Variants in SLC12A6 observed in about 807,000 individuals in gnomAD.
SLC12A6 encodes the protein K-Cl cotransporter 3.
Under a neutral mutation model 135.3 loss-of-function variants are expected in SLC12A6, and 66 were observed. That is an observed-to-expected ratio of 0.49 (90% CI 0.40 to 0.60). The LOEUF is 0.60. Ranked by LOEUF, SLC12A6 falls within the 20% of genes least tolerant of loss-of-function variation. SLC12A6 has a pLI of 0.00. For missense variants in SLC12A6, 1,058 were observed against 1,452.3 expected (o/e 0.73, Z 4.41); for synonymous variants, 513 against 508.8 (o/e 1.01, Z -0.11).
At chr15:34,323,512 T>C (rs900669807) in intron 2 of SLC12A6, among the ~76,000 whole-genome samples, 1 of 152,186 alleles carries the variant, frequency 6.6e-6, no homozygotes, top group Non-Finnish European at 1.5e-5. Flanking sequence ...AATTATGTGC[T>C]CCTTATGAGA....
At chr15:34,268,608 G>T (rs992451431) in intron 3 of SLC12A6, among the ~76,000 whole-genome samples, 19 of 152,180 alleles carry the variant, frequency 1.2e-4, no homozygotes, top group African/African-American at 4.1e-4. Flanking sequence ...CTGCTTTAGA[G>T]TTCAGCCTTC....
chr15:34,245,424 T>C (rs774332756), intron 14 of SLC12A6, 21 bp from the exon 15 acceptor site: 6 of 1,339,864 alleles, frequency 4.5e-6, no homozygotes, highest in Non-Finnish European at 6.5e-6. Flanking sequence ...AAGGGAAATA[T>C]CAGGCACAGG....
At chr15:34,296,881 G>A (rs1249348414) in intron 2 of SLC12A6, among the ~76,000 whole-genome samples, 2 of 151,930 alleles carry the variant, frequency 1.3e-5, no homozygotes, top group African/African-American at 2.4e-5. Context: ...CTTCTACTTT[G>A]ATATTTGAAA....
intron 2 of SLC12A6, among the ~76,000 whole-genome samples, chr15:34,333,349 C>A (rs1489872377): frequency 6.6e-6 from 1 of 151,868 alleles, no homozygotes; most frequent in Admixed American, 6.6e-5. Context: ...CCTGTCAAGG[C>A]CTCCCGAGCA....
intron 3 of SLC12A6, among the ~76,000 whole-genome samples, chr15:34,271,628 C>G (rs1372241502): frequency 1.3e-5 from 2 of 149,218 alleles, no homozygotes; most frequent in South Asian, 2.1e-4. Flanking sequence ...CACACACACA[C>G]AGAAAAGTTC....
intron 3 of SLC12A6, among the ~76,000 whole-genome samples, chr15:34,274,696 C>G (rs1287417765): frequency 1.3e-5 from 2 of 152,022 alleles, no homozygotes; most frequent in Non-Finnish European, 2.9e-5. Context: ...GCCTGTAGTC[C>G]CAGCTACTTG....
chr15:34,283,756 A>AT (rs11291463), intron 2 of SLC12A6, among the ~76,000 whole-genome samples: 15,943 of 148,294 alleles, frequency 0.11, 1,386 homozygotes, highest in African/African-American at 0.25. Context: ...AAAGGTTAGC[A>AT]TTTTTTTTTT....
rs745474901 is a variant in SLC12A6, at chr15:34,288,218, G to A, written c.272-12829C>T. On this transcript the variant is annotated intron_variant, in intron 2 of 25. Transcript: ENST00000354181. ...GGATAGCCAGCTTTCCCAACACCAT[G>A]TATATGTTTGTGTAGTTTGTGTAGC... Among the ~76,000 whole-genome samples, 6 of 150,956 alleles carry A rather than the reference G, an allele frequency of 4.0e-5. No homozygotes were observed. In the South Asian group the frequency reaches 1.3e-3, roughly 31 times the overall value.
intron 2 of SLC12A6, among the ~76,000 whole-genome samples, chr15:34,323,059 A>G (rs755855167): frequency 1.1e-4 from 17 of 151,112 alleles, no homozygotes; most frequent in Non-Finnish European, 2.1e-4. Flanking sequence ...GAAAAAATAC[A>G]ATGGACACCA....
At chr15:34,316,280 T>C (rs1258737458) in intron 2 of SLC12A6, among the ~76,000 whole-genome samples, 3 of 152,226 alleles carry the variant, frequency 2.0e-5, no homozygotes, top group East Asian at 3.9e-4. Context: ...GAAAAAACCA[T>C]GATCAATTTA....
chr15:34,317,114 C>T (rs1451505276), intron 2 of SLC12A6, among the ~76,000 whole-genome samples: 1 of 152,172 alleles, frequency 6.6e-6, no homozygotes, highest in Non-Finnish European at 1.5e-5. Context: ...TATTCAAGTT[C>T]AAAGCAGATT....
At chr15:34,287,149 C>T (rs376510690) in intron 2 of SLC12A6, among the ~76,000 whole-genome samples, 1 of 152,140 alleles carries the variant, frequency 6.6e-6, no homozygotes, top group Admixed American at 6.5e-5. Flanking sequence ...CCTACCCCCC[C>T]GGGCTCTGGT....
intron 3 of SLC12A6, among the ~76,000 whole-genome samples, chr15:34,267,229 T>C (rs1352975751): frequency 7.0e-6 from 1 of 143,880 alleles, no homozygotes; most frequent in Non-Finnish European, 1.5e-5. Context: ...TTCCCAGTAG[T>C]CTCTTTTTAA....
intron 2 of SLC12A6, among the ~76,000 whole-genome samples, chr15:34,285,717 T>TACACACACACACACACACACACA (rs144158165): frequency 5.6e-4 from 74 of 131,088 alleles, no homozygotes; most frequent in Non-Finnish European, 7.9e-4. Context: ...TGTGTGTTTG[T>TACACACACACACACACACACACA]CATACATAAA....
intron 2 of SLC12A6, among the ~76,000 whole-genome samples, chr15:34,288,724 G>C: frequency 6.6e-6 from 1 of 152,090 alleles, no homozygotes; most frequent in Non-Finnish European, 1.5e-5. Context: ...GGATTCCTAG[G>C]TATTTTATTC....
chr15:34,305,821 G>A (rs1044071971), intron 2 of SLC12A6, among the ~76,000 whole-genome samples: 1 of 147,174 alleles, frequency 6.8e-6, no homozygotes, highest in African/African-American at 2.5e-5. Context: ...GGAGTGGCGC[G>A]ATCTCGGCTC....
At chr15:34,278,121 T>G (rs987979465) in intron 2 of SLC12A6, among the ~76,000 whole-genome samples, 3 of 152,188 alleles carry the variant, frequency 2.0e-5, no homozygotes, top group African/African-American at 7.2e-5. Context: ...TATAAATGAC[T>G]TTTCCTTTAA....
chr15:34,232,597 T>C lies in SLC12A6; in HGVS notation c.*1284A>G, dbSNP rs993966238. The stretch of plus-strand genomic sequence containing the variant: ...CTCGTAGTTCAGGGCCAAGTTTCTG[T>C]AGTCAGAATGAAGAATAAAATTGAA... On this transcript the variant is annotated 3_prime_UTR_variant, in exon 26 of 26. Coordinates refer to ENST00000354181, the MANE Select transcript of SLC12A6 (RefSeq NM_001365088.1). 6.6e-6 allele frequency: 1 copy of C among 152,554 alleles called. No homozygotes were observed. Among genetic ancestry groups the C allele is most frequent in the Non-Finnish European group, 1.5e-5 (1 of 68,040 alleles). The allele number at this position is 152,554 out of a possible 1,614,324, so 9.5% of individuals were successfully genotyped here.
intron 3 of SLC12A6, among the ~76,000 whole-genome samples, chr15:34,270,426 T>C (rs527650195): frequency 1.3e-5 from 2 of 152,244 alleles, no homozygotes; most frequent in East Asian, 3.9e-4. Context: ...TATGAACTCA[T>C]AAACTTAAAT....
Sources: gnomAD v4.1 joint callset for allele counts (sites outside exome capture counted in the v4.1 genomes callset) on GRCh38, gnomAD v4.1.1 for gene constraint, MANE v1.5 for transcripts, NCBI Gene and HGNC (gene_info 2026-07-23, HGNC 2026-07-21) for gene names.